NCOR1: variants seen among roughly 807,000 people sequenced by gnomAD.
NCOR1 encodes the protein nuclear receptor corepressor 1, also known as protein phosphatase 1, regulatory subunit 109.
Under a neutral mutation model 288.1 loss-of-function variants are expected in NCOR1, and 63 were observed. The observed-to-expected ratio is 0.22, with a 90% CI of 0.18 to 0.27. The LOEUF (loss-of-function observed/expected upper bound fraction) is 0.27. Among genes scored for constraint, NCOR1 ranks in the 10% least tolerant of loss-of-function variants. The pLI, the probability that NCOR1 is intolerant of heterozygous loss-of-function variation, is 1.00. For missense variants in NCOR1, 2,397 were observed against 3,019.2 expected, an observed-to-expected ratio of 0.79 and a Z score of 4.83; for synonymous variants, 1,007 against 1,065.9, an observed-to-expected ratio of 0.94 and a Z score of 1.08.
intron 11 of NCOR1, among the ~76,000 whole-genome samples, chr17:16,142,905 A>G (rs2153300803): frequency 6.6e-6 from 1 of 152,332 alleles, no homozygotes; most frequent in South Asian, 2.1e-4. Context: ...AAAACAAAGT[A>G]ATGCCACTTG....
At chr17:16,037,484 A>G (rs1166276401) in intron 44 of NCOR1, among the ~76,000 whole-genome samples, 1 of 152,174 alleles carries the variant, frequency 6.6e-6, no homozygotes, top group Non-Finnish European at 1.5e-5. Context: ...GTAACAATCA[A>G]AACAAAAAAC....
Position 16,206,268 on chromosome 17 carries a change from A to G in NCOR1, c.-71+9094T>C, listed in dbSNP as rs530500956. Among the ~76,000 whole-genome samples, 4 of 152,042 alleles carry G rather than the reference A, an allele frequency of 2.6e-5. No homozygotes were observed. The East Asian group carries it at 5.8e-4, about 22-fold the overall frequency. On this transcript the variant is annotated intron_variant, in intron 1 of 45. Coordinates refer to ENST00000268712, the MANE Select transcript of NCOR1 (RefSeq NM_006311.4). Reference sequence around the variant, plus strand: ...GTTTGTACAAGTACACAAAATGCATATACATATGTACATGTGCATAAATAT... The same window carrying G: ...GTTTGTACAAGTACACAAAATGCATGTACATATGTACATGTGCATAAATAT...
chr17:16,083,302 G>A (rs1283918785), intron 23 of NCOR1, among the ~76,000 whole-genome samples: 2 of 151,314 alleles, frequency 1.3e-5, no homozygotes, highest in Non-Finnish European at 1.5e-5. Context: ...TTGAGCCCAG[G>A]AGTTGGAGGC....
Position 16,101,322 on chromosome 17 carries a change from G to T in NCOR1, c.2618C>A (p.Pro873His), listed in dbSNP as rs768407496. The T allele has an allele frequency of 6.2e-7, 1 of 1,614,002 alleles. No homozygotes were observed. Among genetic ancestry groups the T allele is most frequent in the South Asian group, 1.1e-5 (1 of 91,048 alleles). Reference protein sequence around the residue: ...AQQINAQRPEPQSDNDSSATC... With the variant: ...AQQINAQRPEHQSDNDSSATC... ...GGCACTGGAATCATTGTCTGACTGG[G>T]GCTCGGGCCTTTGGGCATTTATTTG... is the stretch of plus-strand genomic sequence containing the variant. The change falls in exon 20 of 46, where the codon CCC becomes CAC. Residue 873 changes from proline (P) to histidine (H), a missense_variant. Around this residue, in one of 11 missense-constraint regions of NCOR1, gnomAD observed 1,872 missense variants for 2,187.8 expected, o/e 0.86. Coordinates refer to ENST00000268712, the MANE Select transcript of NCOR1 (RefSeq NM_006311.4).
chr17:16,101,885 T>G lies in NCOR1; in HGVS notation c.2183-128A>C. 4.1e-6 allele frequency: 5 copies of G among 1,206,452 alleles called. No individual in the cohort carries two copies. The South Asian group carries it at 7.7e-5, about 19-fold the overall frequency. The allele number at this position is 1,206,452 out of a possible 1,614,324, so 74.7% of individuals were successfully genotyped here. A position where few individuals can be genotyped will look rare whatever the true frequency, so the allele number is the denominator to read the frequency against. On this transcript the variant is annotated intron_variant, in intron 19 of 45. Transcript: ENST00000268712. ...GATAGAAACCATGTTTGAAAGTAGTTGTTTAGGATGAATTCTACTCCTTTG... is the reference window on the plus strand; with the variant it reads ...GATAGAAACCATGTTTGAAAGTAGTGGTTTAGGATGAATTCTACTCCTTTG...
chr17:16,047,127 C>G (rs372653667), intron 41 of NCOR1, 34 bp from the exon 42 acceptor site: 1 of 1,582,760 alleles, frequency 6.3e-7, no homozygotes, highest in Admixed American at 1.8e-5. Flanking sequence ...ATTACAACCA[C>G]GTACTCCTAA....
intron 7 of NCOR1, 145 bp from the exon 8 acceptor site, chr17:16,152,143 T>G: frequency 1.9e-6 from 1 of 513,938 alleles, no homozygotes; most frequent in Non-Finnish European, 3.3e-6. Flanking sequence ...CAAACTTTTA[T>G]TTTTTTATTT....
intron 14 of NCOR1, 122 bp from the exon 15 acceptor site, chr17:16,126,328 G>GGTGATC (rs2074036435): frequency 3.0e-6 from 3 of 1,009,218 alleles, no homozygotes; most frequent in Admixed American, 5.6e-5. Context: ...CAATGTAACT[G>GGTGATC]GTGATCGTGT....
chr17:16,182,987 T>C (rs1257577163), intron 3 of NCOR1, among the ~76,000 whole-genome samples: 1 of 152,084 alleles, frequency 6.6e-6, no homozygotes, highest in Admixed American at 6.5e-5. Flanking sequence ...CAAAATCTTT[T>C]CTTGACTTAA....
At chr17:16,167,526 AC>A (rs1246929543) in intron 4 of NCOR1, among the ~76,000 whole-genome samples, 4 of 152,126 alleles carry the variant, frequency 2.6e-5, no homozygotes, top group Non-Finnish European at 4.4e-5. Context: ...GATATAAAAG[AC>A]ATTAGTTTTT....
chr17:16,035,386 C>G (rs1323751687), intron 44 of NCOR1, among the ~76,000 whole-genome samples: 1 of 152,128 alleles, frequency 6.6e-6, no homozygotes, highest in African/African-American at 2.4e-5. Flanking sequence ...GCCATGTTCA[C>G]AGCATCTTCA....
chr17:16,168,895 T>C (rs1038506933), intron 4 of NCOR1, among the ~76,000 whole-genome samples: 23 of 150,296 alleles, frequency 1.5e-4, no homozygotes, highest in African/African-American at 5.6e-4. Flanking sequence ...TGCTGGGAGG[T>C]ATAGGTTGCA....
chr17:16,158,799 T>C lies in NCOR1; in HGVS notation c.693A>G (p.Lys231=). The change falls in exon 6 of 46, where the codon AAA becomes AAG. Residue 231 remains lysine (K), a synonymous_variant. Coordinates refer to ENST00000268712, the MANE Select transcript of NCOR1 (RefSeq NM_006311.4). Reference sequence around the variant, plus strand: ...AAATAATTTGGACAATACTGCGGTGTTTCTGCTCCACAGGAGGAGGGGACA... The same window carrying C: ...AAATAATTTGGACAATACTGCGGTGCTTCTGCTCCACAGGAGGAGGGGACA... ...KPVSPPPVEQ[K]HRSIVQIIYD... is the part of the protein sequence containing the mutation. 3 of 1,614,078 alleles carry C rather than the reference T, an allele frequency of 1.9e-6. No homozygotes were observed. The highest frequency in any genetic ancestry group is 2.5e-6 in the Non-Finnish European group (3 of 1,179,970).
In NCOR1 at chr17:16,064,896, G is replaced by A. The variant is rs372063300; in HGVS notation, c.5075C>T (p.Pro1692Leu). ...TGGAGACATGGAAGCAGAGTTGTAC[G>A]GCCTGGGAGGGAAAGTAATCTGTGT... The part of the protein sequence containing the change: ...PGTQITFPPR[P>L]YNSASMSPGH... The change falls in exon 34 of 46, where the codon CCG becomes CTG. Residue 1692 changes from proline to leucine, a missense_variant. Pro to Leu is a moderately conservative substitution (Grantham distance 98). This residue lies in a region of NCOR1 where 1,872 missense variants were observed against 2,187.8 expected (regional missense o/e 0.86). Transcript: ENST00000268712. The A allele has an allele frequency of 5.0e-6, 8 of 1,612,576 alleles. No homozygotes were observed. The African/African-American group carries it at 6.7e-5, about 13-fold the overall frequency.
chr17:16,085,306 T>C (rs2064051609), intron 23 of NCOR1, among the ~76,000 whole-genome samples: 1 of 152,214 alleles, frequency 6.6e-6, no homozygotes, highest in Non-Finnish European at 1.5e-5. Flanking sequence ...ACATTGCTAG[T>C]GGCAGCATAA....
intron 1 of NCOR1, among the ~76,000 whole-genome samples, chr17:16,213,042 A>C (rs1339674995): frequency 1.4e-5 from 2 of 144,562 alleles, no homozygotes; most frequent in Admixed American, 1.4e-4. Context: ...GCCTGGGCAA[A>C]AGAGACCCTG....
chr17:16,155,450 A>T (rs1599569472), intron 6 of NCOR1, among the ~76,000 whole-genome samples: 1 of 152,178 alleles, frequency 6.6e-6, no homozygotes, highest in African/African-American at 2.4e-5. Flanking sequence ...ACTTTTCTAT[A>T]CGTATTATTC....
chr17:16,198,724 CAA>C (rs1177903581), intron 1 of NCOR1: 42 of 106,428 alleles, frequency 3.9e-4, no homozygotes, highest in Admixed American at 3.9e-4. Context: ...GAAACTCTGT[CAA>C]AAAAAAAAAA....
At chr17:16,161,692 G>A (rs534887950) in intron 5 of NCOR1, among the ~76,000 whole-genome samples, 1 of 152,146 alleles carries the variant, frequency 6.6e-6, no homozygotes, top group Non-Finnish European at 1.5e-5. Flanking sequence ...ACATGATTTA[G>A]TCCAAGATGA....
Sources: allele counts gnomAD v4.1 joint callset (sites outside exome capture counted in the v4.1 genomes callset), GRCh38; gene constraint gnomAD v4.1.1; regional missense constraint gnomAD v4.1.1; transcripts MANE v1.5; gene names NCBI Gene and HGNC (gene_info 2026-07-23, HGNC 2026-07-21).